Variants in KIAA1217 observed in about 807,000 individuals in gnomAD.
The protein encoded by KIAA1217 is sickle tail protein homolog.
A neutral mutation model predicts 163.9 loss-of-function variants in KIAA1217; 88 were observed. The observed-to-expected ratio is 0.54, with a 90% CI of 0.45 to 0.64. The LOEUF is 0.64. Ranked by LOEUF, KIAA1217 falls within the 30% of genes least tolerant of loss-of-function variation. The probability of loss-of-function intolerance (pLI) is 0.00; values close to 1 mark genes in which losing one functional copy is unlikely to be tolerated. For synonymous variants in KIAA1217, 903 were observed against 923.1 expected, an observed-to-expected ratio of 0.98 and a Z score of 0.39; for missense variants, 2,372 against 2,475.0, an observed-to-expected ratio of 0.96 and a Z score of 0.88.
At chr10:24,374,222 G>A (rs757187708) in intron 2 of KIAA1217, among the ~76,000 whole-genome samples, 34 of 152,190 alleles carry the variant, frequency 2.2e-4, no homozygotes, top group Non-Finnish European at 3.8e-4. Flanking sequence ...CTTAAGCTAG[G>A]AGAAACGTGA....
chr10:23,883,988 CAT>C (rs991408164), intron 1 of KIAA1217, among the ~76,000 whole-genome samples: 10 of 151,906 alleles, frequency 6.6e-5, no homozygotes, highest in Admixed American at 2.0e-4. Flanking sequence ...CTGGATGTAA[CAT>C]AGTTGATCCA....
chr10:24,365,103 C>A (rs1338775866), intron 2 of KIAA1217, among the ~76,000 whole-genome samples: 1 of 152,202 alleles, frequency 6.6e-6, no homozygotes, highest in South Asian at 2.1e-4. Flanking sequence ...CCTCACCCAT[C>A]CTCCCCTACT....
At chr10:24,118,165 A>G (rs1044861910) in intron 2 of KIAA1217, among the ~76,000 whole-genome samples, 4 of 151,938 alleles carry the variant, frequency 2.6e-5, no homozygotes, top group Admixed American at 1.3e-4. Context: ...AAAAAAAAAA[A>G]AAAGAAACGA....
chr10:24,142,033 C>G (rs1389249834), intron 2 of KIAA1217, among the ~76,000 whole-genome samples: 2 of 151,814 alleles, frequency 1.3e-5, no homozygotes, highest in African/African-American at 4.8e-5. Flanking sequence ...ATTAGTTCAT[C>G]ATATAATCAA....
intron 14 of KIAA1217, among the ~76,000 whole-genome samples, chr10:24,530,918 G>T (rs2073021940): frequency 6.6e-6 from 1 of 151,878 alleles, no homozygotes; most frequent in Non-Finnish European, 1.5e-5. Context: ...AAAAAGGCCT[G>T]GTGCAGTGGC....
At chr10:24,271,639 G>C (rs185311458) in intron 2 of KIAA1217, among the ~76,000 whole-genome samples, 4 of 151,794 alleles carry the variant, frequency 2.6e-5, no homozygotes, top group African/African-American at 7.3e-5. Context: ...GTAGTCCCAG[G>C]TACTGGAGAG....
intron 2 of KIAA1217, among the ~76,000 whole-genome samples, chr10:24,372,828 C>T (rs1213919567): frequency 6.6e-6 from 1 of 152,082 alleles, no homozygotes; most frequent in Non-Finnish European, 1.5e-5. Context: ...AACCAGCCCT[C>T]CAAATTGTTT....
intron 2 of KIAA1217, among the ~76,000 whole-genome samples, chr10:24,043,028 T>C (rs1213190355): frequency 1.3e-5 from 2 of 152,192 alleles, no homozygotes; most frequent in Non-Finnish European, 2.9e-5. Context: ...ATTAGCCTTC[T>C]CAGGTGAATG....
chr10:24,173,653 A>G (rs2065736827), intron 2 of KIAA1217, among the ~76,000 whole-genome samples: 1 of 152,220 alleles, frequency 6.6e-6, no homozygotes, highest in Admixed American at 6.5e-5. Context: ...ATATTAAAAT[A>G]TTTCATAGAC....
chr10:24,236,336 C>T (rs547955296), intron 2 of KIAA1217, among the ~76,000 whole-genome samples: 8 of 152,202 alleles, frequency 5.3e-5, no homozygotes, highest in East Asian at 3.9e-4. Flanking sequence ...CTGGAATCTC[C>T]GCCTCCCAGA....
chr10:24,239,265 C>T, intron 2 of KIAA1217: 1 of 985,380 alleles, frequency 1.0e-6, no homozygotes, highest in Non-Finnish European at 1.2e-6. Flanking sequence ...GGAGTCCGTT[C>T]CAGACAAAAA....
At chr10:24,237,620 T>G (rs1437896876) in intron 2 of KIAA1217, among the ~76,000 whole-genome samples, 1 of 152,216 alleles carries the variant, frequency 6.6e-6, no homozygotes, top group Non-Finnish European at 1.5e-5. Flanking sequence ...CTTTGAAGAA[T>G]AACTGTAATT....
At chr10:24,111,126 G>A (rs970815255) in intron 2 of KIAA1217, among the ~76,000 whole-genome samples, 1 of 151,984 alleles carries the variant, frequency 6.6e-6, no homozygotes, top group Admixed American at 6.6e-5. Context: ...ATACATTATG[G>A]GAACATAAAC....
chr10:24,171,639 T>A (rs1295138465), intron 2 of KIAA1217, among the ~76,000 whole-genome samples: 1 of 152,086 alleles, frequency 6.6e-6, no homozygotes, highest in Non-Finnish European at 1.5e-5. Flanking sequence ...ACCCCGTCTC[T>A]ACTAAAAACA....
chr10:24,006,598 C>G (rs1847009698), intron 1 of KIAA1217, among the ~76,000 whole-genome samples: 1 of 152,142 alleles, frequency 6.6e-6, no homozygotes, highest in African/African-American at 2.4e-5. Context: ...AGAAGAGGTG[C>G]CTCTCAGCAT....
At chr10:24,101,767 G>A (rs181759574) in intron 2 of KIAA1217, among the ~76,000 whole-genome samples, 1,778 of 152,094 alleles carry the variant, frequency 0.012, 19 homozygotes, top group Non-Finnish European at 0.019. Context: ...GTCATCTTGT[G>A]CTTTTCATTG....
In KIAA1217 at chr10:23,931,714, G is replaced by A. The variant is rs945370903; in HGVS notation, c.-320-75511G>A. Among the ~76,000 whole-genome samples the A allele has an allele frequency of 2.6e-5, 4 of 152,270 alleles. No individual in the cohort carries two copies. In the South Asian group the frequency reaches 6.2e-4, roughly 24 times the overall value. ...CTTTCCTTTCTCATGGGTGGGGTTAGTTTCATCTTCTCGTATTTTACTTTA... is the reference window on the plus strand; with the variant it reads ...CTTTCCTTTCTCATGGGTGGGGTTAATTTCATCTTCTCGTATTTTACTTTA... On this transcript the variant is annotated intron_variant, in intron 1 of 18. Coordinates refer to the KIAA1217 transcript ENST00000376462.
chr10:24,456,145 C>A lies in KIAA1217; in HGVS notation c.847-17083C>A, dbSNP rs753119420. ...AAGTGATCCACCAGCCTCGGCCTCC[C>A]AAAGTGCTGGGACTACAGGCGTGAG... On this transcript the variant is annotated intron_variant, in intron 5 of 20. Coordinates refer to ENST00000376454, the MANE Select transcript of KIAA1217 (RefSeq NM_019590.5). 4.4e-4 allele frequency among the ~76,000 whole-genome samples: 67 copies of A among 152,196 alleles called. 2 individuals are homozygous for A. Among genetic ancestry groups the A allele is most frequent in the Non-Finnish European group, 3.8e-4 (26 of 68,032 alleles).
chr10:24,416,203 T>C (rs1031887745), intron 3 of KIAA1217, among the ~76,000 whole-genome samples: 1 of 152,198 alleles, frequency 6.6e-6, no homozygotes, highest in South Asian at 2.1e-4. Context: ...AGAGCGTAAA[T>C]GGTAACAAAA....
Sources: gnomAD v4.1 joint callset for allele counts (sites outside exome capture counted in the v4.1 genomes callset) on GRCh38, gnomAD v4.1.1 for gene constraint, MANE v1.5 for transcripts, NCBI Gene and HGNC (gene_info 2026-07-23, HGNC 2026-07-21) for gene names.